Variants in AFF3 observed in about 807,000 individuals in gnomAD.
AFF3 encodes the protein ALF transcription elongation factor 3.
In AFF3, 32 loss-of-function variants were observed where a neutral mutation model predicts 129.7. That is an observed-to-expected ratio of 0.25 (90% CI 0.19 to 0.33). AFF3 has a LOEUF of 0.33. Ranked by LOEUF, AFF3 falls within the 10% of genes least tolerant of loss-of-function variation. AFF3 has a pLI of 1.00. For synonymous variants in AFF3, 644 were observed against 635.4 expected, an observed-to-expected ratio of 1.01 and a Z score of -0.20; for missense variants, 1,373 against 1,592.0, an observed-to-expected ratio of 0.86 and a Z score of 2.34.
intron 11 of AFF3, among the ~76,000 whole-genome samples, chr2:99,676,311 T>C (rs1458673333): frequency 6.6e-6 from 1 of 152,132 alleles, no homozygotes; most frequent in Non-Finnish European, 1.5e-5. Context: ...ACCAGCTAAG[T>C]ACTTTCTAGA....
chr2:99,652,486 TG>T (rs1685351323), intron 12 of AFF3, among the ~76,000 whole-genome samples: 1 of 151,816 alleles, frequency 6.6e-6, no homozygotes, highest in South Asian at 2.1e-4. Context: ...AGAGTAGGAA[TG>T]AAAGGAGAGC....
chr2:99,883,302 A>G (rs1170706971), intron 7 of AFF3, among the ~76,000 whole-genome samples: 1 of 152,222 alleles, frequency 6.6e-6, no homozygotes, highest in Admixed American at 6.5e-5. Flanking sequence ...TACCCCCTAA[A>G]GGTTTTCTGA....
At chr2:99,984,498 A>G (rs985927612) in intron 7 of AFF3, among the ~76,000 whole-genome samples, 12 of 152,220 alleles carry the variant, frequency 7.9e-5, no homozygotes, top group African/African-American at 2.9e-4. Flanking sequence ...ACTAACCTGA[A>G]AGATCATCTA....
At chr2:99,971,894 T>C (rs557746907) in intron 7 of AFF3, among the ~76,000 whole-genome samples, 3 of 152,266 alleles carry the variant, frequency 2.0e-5, no homozygotes, top group Admixed American at 2.0e-4. Context: ...AAAGAAAAAT[T>C]TGAACTGATG....
chr2:99,870,473 C>T (rs1691790679), intron 7 of AFF3, among the ~76,000 whole-genome samples: 2 of 152,216 alleles, frequency 1.3e-5, no homozygotes, highest in South Asian at 4.1e-4. Flanking sequence ...CGGGGTTGTA[C>T]CCTCAGCATC....
chr2:99,748,104 C>T (rs762779606), intron 9 of AFF3, among the ~76,000 whole-genome samples: 1 of 152,062 alleles, frequency 6.6e-6, no homozygotes, highest in Non-Finnish European at 1.5e-5. Context: ...GCTGCAAAAC[C>T]CCAGGGGCCC....
chr2:99,668,392 G>A (rs1304321071), intron 12 of AFF3, among the ~76,000 whole-genome samples: 11 of 151,758 alleles, frequency 7.2e-5, no homozygotes, highest in Non-Finnish European at 4.4e-5. Context: ...GGCTGGTCTC[G>A]AACTCCTGAC....
intron 11 of AFF3, among the ~76,000 whole-genome samples, chr2:99,725,176 T>C (rs549272925): frequency 5.9e-5 from 9 of 151,414 alleles, no homozygotes; most frequent in South Asian, 4.1e-4. Flanking sequence ...GGTTTCAGCA[T>C]GATGGTCAGG....
At chr2:99,965,736 C>A (rs917751698) in intron 7 of AFF3, among the ~76,000 whole-genome samples, 1 of 152,198 alleles carries the variant, frequency 6.6e-6, no homozygotes, top group Non-Finnish European at 1.5e-5. Context: ...CAAGGCCCAG[C>A]CTATGGGCTG....
At chr2:99,748,555 C>G (rs1476670481) in intron 9 of AFF3, among the ~76,000 whole-genome samples, 1 of 152,184 alleles carries the variant, frequency 6.6e-6, no homozygotes, top group African/African-American at 2.4e-5. Flanking sequence ...ATCCCCTCCC[C>G]CTGGAATGCT....
intron 4 of AFF3, among the ~76,000 whole-genome samples, chr2:100,042,971 G>A (rs2105067842): frequency 6.6e-6 from 1 of 152,096 alleles, no homozygotes; most frequent in African/African-American, 2.4e-5. Context: ...ATATGAGTAT[G>A]AAACTTAAAT....
At chr2:99,839,967 C>T (rs1043408875) in intron 7 of AFF3, among the ~76,000 whole-genome samples, 1 of 150,746 alleles carries the variant, frequency 6.6e-6, no homozygotes, top group Non-Finnish European at 1.5e-5. Context: ...TGTTTATCTT[C>T]TTTGGAGAAA....
chr2:99,992,807 A>G (rs17023393), intron 7 of AFF3, among the ~76,000 whole-genome samples: 31,292 of 152,190 alleles, frequency 0.21, 4,073 homozygotes, highest in African/African-American at 0.36. Context: ...CTGATATAAA[A>G]TAATGACAAC....
At chr2:99,996,446 G>A (rs758541802) in intron 7 of AFF3, among the ~76,000 whole-genome samples, 5 of 151,486 alleles carry the variant, frequency 3.3e-5, no homozygotes, top group Admixed American at 2.0e-4. Flanking sequence ...GTCTCACTCC[G>A]TTGCCCAGGC....
At chr2:99,834,876 A>G (rs1688749055) in intron 8 of AFF3, among the ~76,000 whole-genome samples, 1 of 152,016 alleles carries the variant, frequency 6.6e-6, no homozygotes, top group Non-Finnish European at 1.5e-5. Flanking sequence ...AAATTTACCT[A>G]TTTCTACGGT....
At chr2:100,071,703 T>C (rs1042336120) in intron 4 of AFF3, among the ~76,000 whole-genome samples, 5 of 152,126 alleles carry the variant, frequency 3.3e-5, no homozygotes, top group African/African-American at 7.2e-5. Flanking sequence ...GGGGTACCCC[T>C]AAAAATTCTT....
intron 7 of AFF3, among the ~76,000 whole-genome samples, chr2:99,926,708 G>GA (rs11442369): frequency 0.14 from 574 of 4,190 alleles, 5 homozygotes; most frequent in Non-Finnish European, 0.14. Context: ...TGCCCTGCCT[G>GA]GGGGTTACAG....
At chr2:100,044,310 A>G (rs1685666247) in intron 4 of AFF3, among the ~76,000 whole-genome samples, 3 of 152,184 alleles carry the variant, frequency 2.0e-5, no homozygotes, top group Non-Finnish European at 4.4e-5. Context: ...ATGTATTTTG[A>G]GGGAAGTGGC....
intron 7 of AFF3, among the ~76,000 whole-genome samples, chr2:99,939,533 T>C (rs536430490): frequency 8.5e-5 from 13 of 152,328 alleles, no homozygotes; most frequent in African/African-American, 2.2e-4. Flanking sequence ...TCAGTTTAGA[T>C]TGACACTGTA....
Sources: allele counts gnomAD v4.1 joint callset (sites outside exome capture counted in the v4.1 genomes callset), GRCh38; gene constraint gnomAD v4.1.1; transcripts MANE v1.5; gene names NCBI Gene and HGNC (gene_info 2026-07-23, HGNC 2026-07-21).